TBCK: variants seen among roughly 807,000 people sequenced by gnomAD.
The protein encoded by TBCK is TBC1 domain containing kinase.
In TBCK, 99 loss-of-function variants were observed where a neutral mutation model predicts 113.4. The observed-to-expected ratio is 0.87, with a 90% CI of 0.74 to 1.03. The LOEUF (loss-of-function observed/expected upper bound fraction) is 1.03, where lower values mean the gene tolerates loss of function less well. TBCK is among the 50% of genes least tolerant of loss of function. The pLI, the probability that TBCK is intolerant of heterozygous loss-of-function variation, is 0.00. For missense variants in TBCK, 1,045 were observed against 1,061.3 expected (o/e 0.98, Z 0.21); for synonymous variants, 369 against 370.8 (o/e 1.00, Z 0.05).
chr4:106,305,535 T>C (rs1261139751), intron 2 of TBCK, among the ~76,000 whole-genome samples: 9 of 152,082 alleles, frequency 5.9e-5, no homozygotes, highest in Admixed American at 5.9e-4. Context: ...TTATTTCTTA[T>C]CTTTAGAGAC....
At chr4:106,178,134 T>G (rs937901476) in intron 22 of TBCK, among the ~76,000 whole-genome samples, 2 of 152,034 alleles carry the variant, frequency 1.3e-5, no homozygotes, top group Non-Finnish European at 1.5e-5. Context: ...TGTTCACTGT[T>G]GGTTTAAAGA....
chr4:106,111,648 G>A (rs1195390692), intron 24 of TBCK, among the ~76,000 whole-genome samples: 4 of 152,150 alleles, frequency 2.6e-5, no homozygotes, highest in Admixed American at 6.5e-5. Context: ...AGCCCCAACA[G>A]AGCTAGTACT....
chr4:106,181,729 T>C (rs1237065781), intron 22 of TBCK, among the ~76,000 whole-genome samples: 2 of 152,168 alleles, frequency 1.3e-5, no homozygotes, highest in Admixed American at 6.5e-5. Flanking sequence ...TTGGTCTATA[T>C]ATCTGTTTTT....
At chr4:106,156,551 T>A (rs747850951) in intron 23 of TBCK, among the ~76,000 whole-genome samples, 1 of 152,170 alleles carries the variant, frequency 6.6e-6, no homozygotes, top group Non-Finnish European at 1.5e-5. Flanking sequence ...AGTGTTCTAT[T>A]GTACTGTGGC....
rs1277096982 is a variant in TBCK at position 106,044,906 on chromosome 4, T to C, written c.*1664A>G. The C allele has an allele frequency of 1.3e-5, 2 of 152,224 alleles. No homozygotes were observed. The highest frequency in any genetic ancestry group is 3.8e-4 in the East Asian group (2 of 5,206). 9.4% of individuals were successfully genotyped at this position (152,224 alleles called of 1,614,324 possible). A position where few individuals can be genotyped will look rare whatever the true frequency, so the allele number is the denominator to read the frequency against. On this transcript the variant is annotated 3_prime_UTR_variant, in exon 26 of 26. Transcript: ENST00000394708. ...GAGGCTCTTATTGAAATGTTCTGCC[T>C]AGGCAGTCTTAACATTGGAGTGGAA...
chr4:106,233,625 G>A lies in TBCK; in HGVS notation c.1475C>T (p.Ala492Val), dbSNP rs772296511. The change falls in exon 16 of 26, where the codon GCA becomes GTA. Residue 492 changes from alanine (A) to valine (V), a missense_variant. Physicochemically the swap from Ala to Val is moderately conservative, Grantham distance 64. Coordinates refer to ENST00000394708, the MANE Select transcript of TBCK (RefSeq NM_001163435.3). ...VEGAIHAKYDAIDKDTPIPTD... is the reference protein window; with the variant it reads ...VEGAIHAKYDVIDKDTPIPTD... Reference sequence around the variant, plus strand: ...AGGAATTGGAGTGTCTTTATCAATTGCATCGTACTTGGCATGAATAGCTCC... The same window carrying A: ...AGGAATTGGAGTGTCTTTATCAATTACATCGTACTTGGCATGAATAGCTCC... 15 of 1,610,590 alleles carry A rather than the reference G, an allele frequency of 9.3e-6. No individual in the cohort carries two copies. The highest frequency in any genetic ancestry group is 6.8e-6 in the Non-Finnish European group (8 of 1,178,138).
chr4:106,141,615 A>G (rs1313676106), intron 23 of TBCK, among the ~76,000 whole-genome samples: 3 of 140,642 alleles, frequency 2.1e-5, no homozygotes, highest in Admixed American at 7.0e-5. Context: ...ACAATCAAAT[A>G]AAATGTAATG....
In TBCK at chr4:106,211,020, T is replaced by C. The variant is rs906608328; in HGVS notation, c.1860+1730A>G. 2.0e-5 allele frequency among the ~76,000 whole-genome samples: 3 copies of C among 152,144 alleles called. No homozygotes were observed. The East Asian group carries it at 5.8e-4, about 29-fold the overall frequency. On this transcript the variant is annotated intron_variant, in intron 20 of 25. Coordinates refer to ENST00000394708, the MANE Select transcript of TBCK (RefSeq NM_001163435.3). Reference sequence around the variant, plus strand: ...CTATGTTGTTTTGGTCTCAAACTCCTAGCCTCAAGTGATCCTCCTGCCTCA... The same window carrying C: ...CTATGTTGTTTTGGTCTCAAACTCCCAGCCTCAAGTGATCCTCCTGCCTCA...
At chr4:106,134,037 A>AG (rs1237216889) in intron 23 of TBCK, among the ~76,000 whole-genome samples, 1 of 152,002 alleles carries the variant, frequency 6.6e-6, no homozygotes, top group Non-Finnish European at 1.5e-5. Context: ...AAAAAAAAAA[A>AG]CAAAACAAAA....
intron 19 of TBCK, among the ~76,000 whole-genome samples, chr4:106,217,202 T>C (rs924786681): frequency 2.0e-5 from 3 of 152,080 alleles, no homozygotes; most frequent in Non-Finnish European, 4.4e-5. Flanking sequence ...AAATTAGGTA[T>C]TGATGGGACA....
intron 3 of TBCK, among the ~76,000 whole-genome samples, chr4:106,263,868 T>TACTA (rs1560932565): frequency 1.3e-5 from 2 of 152,004 alleles, no homozygotes; most frequent in Non-Finnish European, 2.9e-5. Context: ...TTTACTTACT[T>TACTA]ACTAACTCTT....
chr4:106,232,122 A>G (rs1459345959), intron 17 of TBCK, among the ~76,000 whole-genome samples: 1 of 151,824 alleles, frequency 6.6e-6, no homozygotes, highest in African/African-American at 2.4e-5. Flanking sequence ...CTTCTGGCAT[A>G]CTTTCTCATC....
chr4:106,248,770 C>A, intron 8 of TBCK, 151 bp downstream of exon 8: 1 of 614,164 alleles, frequency 1.6e-6, no homozygotes, highest in Non-Finnish European at 2.8e-6. Context: ...CTGCAGCCCT[C>A]ACCAGACGAC....
chr4:106,302,332 G>A (rs534655653), intron 2 of TBCK, among the ~76,000 whole-genome samples: 7 of 152,154 alleles, frequency 4.6e-5, no homozygotes, highest in East Asian at 1.9e-4. Context: ...TCAGTAGAAC[G>A]ATTACAGTTT....
At chr4:106,181,288 A>C (rs1050709589) in intron 22 of TBCK, among the ~76,000 whole-genome samples, 37 of 152,214 alleles carry the variant, frequency 2.4e-4, no homozygotes, top group African/African-American at 8.4e-4. Context: ...AGATGGATAG[A>C]TTGCAAAAAT....
At chr4:106,159,190 C>G (rs1749466115) in intron 23 of TBCK, among the ~76,000 whole-genome samples, 2 of 152,028 alleles carry the variant, frequency 1.3e-5, no homozygotes, top group African/African-American at 4.8e-5. Context: ...AAAACATGCT[C>G]AATGGTGAAA....
intron 25 of TBCK, among the ~76,000 whole-genome samples, chr4:106,059,462 TATG>T (rs1286768742): frequency 2.0e-5 from 3 of 151,662 alleles, no homozygotes; most frequent in Non-Finnish European, 4.4e-5. Context: ...TTATATCTGT[TATG>T]ATGATCTGTG....
At chr4:106,211,868 T>C (rs1366564454) in intron 20 of TBCK, among the ~76,000 whole-genome samples, 2 of 152,100 alleles carry the variant, frequency 1.3e-5, no homozygotes, top group Non-Finnish European at 2.9e-5. Flanking sequence ...AATACCATAA[T>C]ATTATTTTAT....
Position 106,116,200 on chromosome 4 carries a change from T to C in TBCK, c.2411+3A>G. ...CCTTTAAAACAGCATATGCAAAGGA[T>C]ACTCTTCACTATTCCGGATGTCAAC... On this transcript the variant is annotated splice_donor_region_variant and intron_variant, in intron 24 of 25. Transcript: ENST00000394708. 2 of 1,613,802 alleles carry C rather than the reference T, an allele frequency of 1.2e-6. No homozygotes were observed. The highest frequency in any genetic ancestry group is 1.7e-6 in the Non-Finnish European group (2 of 1,179,848).
Sources: gnomAD v4.1 joint callset for allele counts (sites outside exome capture counted in the v4.1 genomes callset) on GRCh38, gnomAD v4.1.1 for gene constraint, MANE v1.5 for transcripts, NCBI Gene and HGNC (gene_info 2026-07-23, HGNC 2026-07-21) for gene names.